CEP85L: variants seen among roughly 807,000 people sequenced by gnomAD.
CEP85L encodes centrosomal protein of 85 kDa-like.
In CEP85L, 60 loss-of-function variants were observed where a neutral mutation model predicts 100.3. The observed-to-expected ratio is 0.60, with a 90% confidence interval of 0.49 to 0.74. The LOEUF (loss-of-function observed/expected upper bound fraction) is 0.74, where lower values mean the gene tolerates loss of function less well. Ranked by LOEUF, CEP85L falls within the 30% of genes least tolerant of loss-of-function variation. The probability of loss-of-function intolerance (pLI) is 0.00; values close to 1 mark genes in which losing one functional copy is unlikely to be tolerated. For synonymous variants in CEP85L, 319 were observed against 322.7 expected (o/e 0.99, Z 0.12); for missense variants, 973 against 936.2 (o/e 1.04, Z -0.51).
chr6:118,473,948 C>G (rs1243392301), intron 10 of CEP85L, among the ~76,000 whole-genome samples: 2 of 152,018 alleles, frequency 1.3e-5, no homozygotes, highest in Non-Finnish European at 2.9e-5. Flanking sequence ...AAAAAAAGAG[C>G]CTTTTTTAAT....
chr6:118,645,421 C>G (rs1775116669), intron 1 of CEP85L, among the ~76,000 whole-genome samples: 2 of 152,224 alleles, frequency 1.3e-5, no homozygotes, highest in African/African-American at 4.8e-5. Context: ...TGCCTGTCAT[C>G]CCAATACTTG....
intron 3 of CEP85L, among the ~76,000 whole-genome samples, chr6:118,549,606 ATT>A (rs914315707): frequency 3.3e-5 from 5 of 151,694 alleles, no homozygotes; most frequent in African/African-American, 9.7e-5. Flanking sequence ...AAAAAACATA[ATT>A]TTTGTCTACC....
chr6:118,687,756 C>T (rs1776883382), intron 1 of CEP85L, among the ~76,000 whole-genome samples: 1 of 152,200 alleles, frequency 6.6e-6, no homozygotes, highest in South Asian at 2.1e-4. Flanking sequence ...TGCTCGCCGT[C>T]CACCACTGCT....
At chr6:118,533,993 G>T (rs1412627362) in intron 3 of CEP85L, among the ~76,000 whole-genome samples, 1 of 152,138 alleles carries the variant, frequency 6.6e-6, no homozygotes, top group East Asian at 1.9e-4. Context: ...TACTCGGGAG[G>T]CTGAGGCAGG....
chr6:118,562,378 T>C (rs190289615), intron 3 of CEP85L, among the ~76,000 whole-genome samples: 1 of 152,178 alleles, frequency 6.6e-6, no homozygotes, highest in East Asian at 1.9e-4. Flanking sequence ...TTTTTTTAAA[T>C]CAAGAGACAG....
chr6:118,651,479 G>A lies in CEP85L; in HGVS notation c.-210C>T. ...TGCCGGCGCCTGCCATGGCCAAGCC[G>A]GCTGGGCTGAGGCCCGCGCCGGGGA... On this transcript the variant is annotated 5_prime_UTR_variant, in exon 1 of 13. Transcript: ENST00000368491. 7.7e-7 allele frequency: 1 copy of A among 1,306,624 alleles called. No individual in the cohort carries two copies. The allele number at this position is 1,306,624 out of a possible 1,614,324, so 80.9% of individuals were successfully genotyped here.
intron 2 of CEP85L, among the ~76,000 whole-genome samples, chr6:118,590,831 T>C (rs1308173327): frequency 1.3e-5 from 2 of 152,172 alleles, no homozygotes; most frequent in Non-Finnish European, 2.9e-5. Context: ...GTTCTGGGTG[T>C]TTCTTGGTAT....
chr6:118,487,848 C>T lies in CEP85L; in HGVS notation c.1437+3838G>A, dbSNP rs12529391. 2.5e-3 allele frequency among the ~76,000 whole-genome samples: 386 copies of T among 152,290 alleles called. 7 individuals are homozygous for T. Among genetic ancestry groups the T allele is most frequent in the Admixed American group, 0.023 (358 of 15,288 alleles). On this transcript the variant is annotated intron_variant, in intron 6 of 12. Transcript: ENST00000368491. Reference sequence around the variant, plus strand: ...AGCACTCCAGCAATGAGTGAAGAAACTCCAGATTCAAGTTTCTCCCTGTGC... The same window carrying T: ...AGCACTCCAGCAATGAGTGAAGAAATTCCAGATTCAAGTTTCTCCCTGTGC...
chr6:118,546,839 T>G (rs1279995169), intron 3 of CEP85L, among the ~76,000 whole-genome samples: 2 of 152,188 alleles, frequency 1.3e-5, no homozygotes, highest in Non-Finnish European at 2.9e-5. Flanking sequence ...GTATCAAACA[T>G]TATTCTGCAA....
At chr6:118,623,102 G>A (rs577656776) in intron 2 of CEP85L, among the ~76,000 whole-genome samples, 18 of 152,268 alleles carry the variant, frequency 1.2e-4, no homozygotes, top group Non-Finnish European at 2.6e-4. Flanking sequence ...TTTCATACAG[G>A]TTTTGAAAGT....
At chr6:118,624,318 AC>A (rs1401384117) in intron 2 of CEP85L, among the ~76,000 whole-genome samples, 1 of 152,084 alleles carries the variant, frequency 6.6e-6, no homozygotes, top group Non-Finnish European at 1.5e-5. Flanking sequence ...AGGATTATAT[AC>A]TGTAGCTCCT....
chr6:118,562,704 T>G (rs569046123), intron 3 of CEP85L, among the ~76,000 whole-genome samples: 62 of 152,228 alleles, frequency 4.1e-4, no homozygotes, highest in African/African-American at 1.4e-3. Flanking sequence ...GTAAAATATG[T>G]ATAGGTGCCA....
At chr6:118,686,727 C>G (rs1045283149) in intron 1 of CEP85L, among the ~76,000 whole-genome samples, 3 of 152,134 alleles carry the variant, frequency 2.0e-5, no homozygotes, top group African/African-American at 7.2e-5. Flanking sequence ...TCAAGCAAAA[C>G]GTAACTAAGA....
Position 118,628,853 on chromosome 6 carries a change from C to T in CEP85L, c.232+3600G>A, listed in dbSNP as rs551595968. On this transcript the variant is annotated intron_variant, in intron 2 of 12. Coordinates refer to ENST00000368491, the MANE Select transcript of CEP85L (RefSeq NM_001042475.3). The stretch of plus-strand genomic sequence containing the variant: ...TATAGCAATGATTTTTTAGATAAAA[C>T]GGCACAATCCGTGAAAGCAACAACT... Among the ~76,000 whole-genome samples the T allele has an allele frequency of 2.6e-5, 4 of 152,178 alleles. No homozygotes were observed. The South Asian group carries it at 6.2e-4, about 24-fold the overall frequency.
intron 2 of CEP85L, among the ~76,000 whole-genome samples, chr6:118,566,964 A>G (rs1369109786): frequency 6.6e-6 from 1 of 152,068 alleles, no homozygotes; most frequent in Non-Finnish European, 1.5e-5. Context: ...GGTGTTATTC[A>G]TAATCCAGCA....
chr6:118,462,113 AAC>A lies in CEP85L; in HGVS notation c.*3290_*3291del, dbSNP rs1363105761. ...AGAAATGTATGACATTCATTTTAGC[AAC>A]ACTTTCCAGCCCTTGAGATTGTCTC... On this transcript the variant is annotated 3_prime_UTR_variant, in exon 13 of 13. Coordinates refer to ENST00000368491, the MANE Select transcript of CEP85L (RefSeq NM_001042475.3). 6.6e-6 allele frequency: 1 copy of A among 152,020 alleles called. No homozygotes were observed. Among genetic ancestry groups the A allele is most frequent in the African/African-American group, 2.4e-5 (1 of 41,450 alleles). The allele number at this position is 152,020 out of a possible 1,614,324, so 9.4% of individuals were successfully genotyped here.
At chr6:118,600,134 G>T (rs1290039075) in intron 2 of CEP85L, among the ~76,000 whole-genome samples, 2 of 152,000 alleles carry the variant, frequency 1.3e-5, no homozygotes, top group African/African-American at 4.8e-5. Context: ...TCTTAAAGAA[G>T]AATTCCAAAT....
chr6:118,697,450 A>G (rs1777251060), intron 1 of CEP85L, among the ~76,000 whole-genome samples: 1 of 152,218 alleles, frequency 6.6e-6, no homozygotes. Flanking sequence ...CAAGGACGAT[A>G]TACCACTCAA....
intron 2 of CEP85L, among the ~76,000 whole-genome samples, chr6:118,567,335 T>C (rs1779614590): frequency 6.7e-6 from 1 of 149,926 alleles, no homozygotes; most frequent in East Asian, 2.0e-4. Flanking sequence ...TTTATTCCTT[T>C]CTCTCTATAT....
Sources: gnomAD v4.1 joint callset for allele counts (sites outside exome capture counted in the v4.1 genomes callset) on GRCh38, gnomAD v4.1.1 for gene constraint, MANE v1.5 for transcripts, NCBI Gene and HGNC (gene_info 2026-07-23, HGNC 2026-07-21) for gene names.